VTI1A: variants seen among roughly 807,000 people sequenced by gnomAD.
VTI1A encodes vesicle transport through interaction with t-SNAREs 1A.
Under a neutral mutation model 34.9 loss-of-function variants are expected in VTI1A, and 22 were observed. That is an observed-to-expected ratio of 0.63 (90% CI 0.45 to 0.90). The LOEUF is 0.90. Among genes scored for constraint, VTI1A ranks in the 40% least tolerant of loss-of-function variants. The pLI, the probability that VTI1A is intolerant of heterozygous loss-of-function variation, is 0.00. For synonymous variants in VTI1A, 87 were observed against 97.3 expected, an observed-to-expected ratio of 0.89 and a Z score of 0.62; for missense variants, 268 against 275.6, an observed-to-expected ratio of 0.97 and a Z score of 0.20.
chr10:112,738,452 G>A (rs1032197904), intron 7 of VTI1A, among the ~76,000 whole-genome samples: 4 of 152,180 alleles, frequency 2.6e-5, no homozygotes. Context: ...GACGGGGAGT[G>A]TGTTTCCTTT....
intron 7 of VTI1A, among the ~76,000 whole-genome samples, chr10:112,811,390 A>G (rs1343195211): frequency 5.3e-5 from 8 of 152,156 alleles, no homozygotes; most frequent in Admixed American, 5.2e-4. Flanking sequence ...TCCATGACCA[A>G]GCCTAACATT....
chr10:112,510,996 C>G (rs1849586478), intron 3 of VTI1A, among the ~76,000 whole-genome samples: 1 of 152,148 alleles, frequency 6.6e-6, no homozygotes, highest in Admixed American at 6.5e-5. Flanking sequence ...TTGATATTCA[C>G]TAATCTCAGA....
At chr10:112,815,240 A>G (rs1590211608) in intron 7 of VTI1A, 50 bp from the exon 8 acceptor site, 11 of 1,138,246 alleles carry the variant, frequency 9.7e-6, no homozygotes, top group East Asian at 4.4e-5. Flanking sequence ...CGTTTGTGGG[A>G]AGGCCTTCCA....
intron 5 of VTI1A, among the ~76,000 whole-genome samples, chr10:112,560,011 A>G (rs1851669578): frequency 6.6e-6 from 1 of 152,230 alleles, no homozygotes; most frequent in Admixed American, 6.5e-5. Context: ...CTGAGATAGT[A>G]AAAGCTAGTT....
At position 112,527,120 on chromosome 10, in the gene VTI1A, C is replaced by G. The variant is rs769839591; in HGVS notation, c.298C>G (p.Arg100Gly). The change falls in exon 4 of 8, where the codon CGG (arginine) becomes GGG (glycine). Residue 100 changes from arginine (R) to glycine (G), a missense_variant. Physicochemically the swap from Arg to Gly is moderately radical, Grantham distance 125. Coordinates refer to ENST00000393077, the MANE Select transcript of VTI1A (RefSeq NM_145206.4). ...RSRIAYSDEVRNELLGDDGNS... is the reference protein window; with the variant it reads ...RSRIAYSDEVGNELLGDDGNS... ...ACGGATCGCCTACAGTGACGAAGTA[C>G]GGAATGAGCTCCTGGGGGATGATGG... The G allele has an allele frequency of 1.9e-6, 3 of 1,613,318 alleles. No individual in the cohort carries two copies. The highest frequency in any genetic ancestry group is 2.2e-5 in the South Asian group (2 of 90,950).
At chr10:112,518,039 TAAAC>T (rs1174510305) in intron 3 of VTI1A, among the ~76,000 whole-genome samples, 6 of 152,048 alleles carry the variant, frequency 3.9e-5, no homozygotes, top group East Asian at 1.9e-4. Context: ...TTATAAATCT[TAAAC>T]AATCATAAAA....
intron 7 of VTI1A, among the ~76,000 whole-genome samples, chr10:112,778,075 C>G (rs1275427065): frequency 6.6e-6 from 1 of 152,054 alleles, no homozygotes; most frequent in Non-Finnish European, 1.5e-5. Flanking sequence ...GCACTCCACC[C>G]TGGGCAACAA....
chr10:112,589,635 G>A (rs1293480353), intron 5 of VTI1A, among the ~76,000 whole-genome samples: 1 of 152,166 alleles, frequency 6.6e-6, no homozygotes, highest in African/African-American at 2.4e-5. Context: ...AGCATGCACT[G>A]TGTGTGACAC....
chr10:112,768,303 C>T (rs563979986), intron 7 of VTI1A, among the ~76,000 whole-genome samples: 3 of 152,244 alleles, frequency 2.0e-5, no homozygotes, highest in Admixed American at 6.5e-5. Flanking sequence ...CTCCACAAGG[C>T]GCTTTCTGGA....
rs1851673174 is a variant in VTI1A at position 112,767,095 on chromosome 10, T to G, written c.561-48195T>G. On this transcript the variant is annotated intron_variant, in intron 7 of 7. Coordinates refer to ENST00000393077, the MANE Select transcript of VTI1A (RefSeq NM_145206.4). This position sits in a 1 kb window ranked among gnomAD's most constrained non-coding sequence, Gnocchi z 4.0. Reference sequence around the variant, plus strand: ...TTAAAAGGGAAATGATTTCATCAGCTTCCCAATCTGTGGCTTAAAGTTGAC... The same window carrying G: ...TTAAAAGGGAAATGATTTCATCAGCGTCCCAATCTGTGGCTTAAAGTTGAC... Among the ~76,000 whole-genome samples the G allele has an allele frequency of 6.6e-6, 1 of 152,240 alleles. No homozygotes were observed. Among genetic ancestry groups the G allele is most frequent in the African/African-American group, 2.4e-5 (1 of 41,462 alleles).
Position 112,656,521 on chromosome 10 carries a change from A to ATTT in VTI1A, c.428-11676_428-11674dup, listed in dbSNP as rs768159688. 1.0e-2 allele frequency among the ~76,000 whole-genome samples: 1,027 copies of ATTT among 103,140 alleles called. 37 individuals carry two copies. Among genetic ancestry groups the ATTT allele is most frequent in the African/African-American group, 0.034 (938 of 27,512 alleles). The allele number at this position is 103,140 out of a possible 152,430, so 67.7% of individuals were successfully genotyped here. On this transcript the variant is annotated intron_variant, in intron 5 of 7. Coordinates refer to ENST00000393077, the MANE Select transcript of VTI1A (RefSeq NM_145206.4). ...TACAGGAGCATACCACACCCAGATA[A>ATTT]TTTTTTTTTTTTTTTTTTTTTTTGA... is the stretch of plus-strand genomic sequence containing the variant.
At chr10:112,722,539 G>T (rs1202394924) in intron 7 of VTI1A, among the ~76,000 whole-genome samples, 1 of 152,112 alleles carries the variant, frequency 6.6e-6, no homozygotes, top group Non-Finnish European at 1.5e-5. Context: ...TTTAAAAAAA[G>T]ATTTGATATG....
chr10:112,574,155 TA>T (rs1485921658), intron 5 of VTI1A, among the ~76,000 whole-genome samples: 1 of 152,174 alleles, frequency 6.6e-6, no homozygotes, highest in Non-Finnish European at 1.5e-5. Flanking sequence ...GTTTTAAAAA[TA>T]AAATCAAATA....
At position 112,568,094 on chromosome 10, in the gene VTI1A, C is replaced by T. The variant is rs139653976; in HGVS notation, c.427+29764C>T. ...ACTGTGATATTTCATAGCTGTTTCA[C>T]AGCAACCAAAACTCAGATATAAAGA... On this transcript the variant is annotated intron_variant, in intron 5 of 7. Transcript: ENST00000393077. Among the ~76,000 whole-genome samples the T allele has an allele frequency of 3.4e-4, 51 of 152,008 alleles. 1 individual carries two copies. The highest frequency in any genetic ancestry group is 3.4e-3 in the Middle Eastern group (1 of 294).
intron 7 of VTI1A, among the ~76,000 whole-genome samples, chr10:112,672,235 A>G (rs554182007): frequency 2.0e-5 from 3 of 152,352 alleles, no homozygotes; most frequent in African/African-American, 7.2e-5. Flanking sequence ...GAAAAGAACT[A>G]AGGTGTGCAA....
chr10:112,650,129 C>T (rs752008958), intron 5 of VTI1A, among the ~76,000 whole-genome samples: 14 of 152,302 alleles, frequency 9.2e-5, no homozygotes, highest in African/African-American at 1.4e-4. Context: ...TTGATTCTTT[C>T]GTAATAACGC....
intron 5 of VTI1A, among the ~76,000 whole-genome samples, chr10:112,610,235 A>C (rs1284133502): frequency 6.6e-6 from 1 of 151,740 alleles, no homozygotes; most frequent in Non-Finnish European, 1.5e-5. Context: ...ACTGTGGCAA[A>C]GCCTGTGGAA....
intron 7 of VTI1A, among the ~76,000 whole-genome samples, chr10:112,775,352 A>G (rs551966247): frequency 6.6e-6 from 1 of 152,302 alleles, no homozygotes; most frequent in African/African-American, 2.4e-5. Flanking sequence ...TGCAGGCCCA[A>G]GTTTAATTCA....
At chr10:112,553,504 C>T (rs1363346303) in intron 5 of VTI1A, among the ~76,000 whole-genome samples, 3 of 152,190 alleles carry the variant, frequency 2.0e-5, no homozygotes, top group Admixed American at 1.3e-4. Flanking sequence ...AAATAAACCC[C>T]AGTCGCCCCA....
Sources: gnomAD v4.1 joint callset for allele counts (sites outside exome capture counted in the v4.1 genomes callset) on GRCh38, gnomAD v4.1.1 for gene constraint, Gnocchi (gnomAD v3.1) non-coding constraint, MANE v1.5 for transcripts, NCBI Gene and HGNC (gene_info 2026-07-23, HGNC 2026-07-21) for gene names.